The following PLXNA4 variants were observed in gnomAD, a reference collection of about 807,000 sequenced individuals.
PLXNA4 encodes plexin-A4.
PLXNA4 carries 44 observed loss-of-function variants against 191.8 expected under a neutral mutation model. That is an observed-to-expected ratio of 0.23 (90% CI 0.18 to 0.29). PLXNA4 has a LOEUF of 0.29. Ranked by LOEUF, PLXNA4 falls within the 10% of genes least tolerant of loss-of-function variation. PLXNA4 has a pLI of 1.00. For missense variants in PLXNA4, 1,800 were observed against 2,488.8 expected, an observed-to-expected ratio of 0.72 and a Z score of 5.89; for synonymous variants, 1,082 against 1,009.5, an observed-to-expected ratio of 1.07 and a Z score of -1.36.
At chr7:132,281,579 G>A (rs1800479437) in intron 4 of PLXNA4, among the ~76,000 whole-genome samples, 1 of 152,150 alleles carries the variant, frequency 6.6e-6, no homozygotes, top group Admixed American at 6.5e-5. Context: ...ACATAATGAT[G>A]AAAATATTTC....
intron 3 of PLXNA4, among the ~76,000 whole-genome samples, chr7:132,345,826 C>T (rs1169619079): frequency 1.3e-5 from 2 of 152,168 alleles, no homozygotes; most frequent in East Asian, 1.9e-4. Context: ...TCTCTTGGCT[C>T]AAAGGACCGC....
At chr7:132,579,278 G>T (rs966900733), upstream of PLXNA4, among the ~76,000 whole-genome samples, 1 of 152,100 alleles carries the variant, frequency 6.6e-6, no homozygotes, top group African/African-American at 2.4e-5. Context: ...TCAAACTTCT[G>T]TTGGCCACTC....
intron 4 of PLXNA4, among the ~76,000 whole-genome samples, chr7:132,242,954 A>T (rs952464488): frequency 1.3e-5 from 2 of 152,212 alleles, no homozygotes; most frequent in African/African-American, 2.4e-5. Context: ...AAGCATATAA[A>T]TAGTGGCTCC....
At chr7:132,311,183 T>C (rs1474523145) in intron 3 of PLXNA4, among the ~76,000 whole-genome samples, 2 of 135,816 alleles carry the variant, frequency 1.5e-5, no homozygotes, top group Non-Finnish European at 3.2e-5. Context: ...TGTGTGTGTG[T>C]GTGTGTGTGT....
chr7:132,181,938 TC>T (rs1221981706), intron 17 of PLXNA4, among the ~76,000 whole-genome samples, 158 bp downstream of exon 17: 3 of 152,150 alleles, frequency 2.0e-5, no homozygotes, highest in African/African-American at 7.2e-5. Flanking sequence ...CCTTATGTCT[TC>T]CCCCCTATTC....
intron 2 of PLXNA4, among the ~76,000 whole-genome samples, chr7:132,491,854 G>A (rs1033670289): frequency 2.0e-5 from 3 of 152,184 alleles, no homozygotes; most frequent in African/African-American, 4.8e-5. Flanking sequence ...GAAGGAGACA[G>A]GAGGCAGAGG....
rs112419363 is a variant in PLXNA4, at chr7:132,534,213, T to G, written c.-86-25434A>C. On this transcript the variant is annotated intron_variant, in intron 1 of 31. Transcript: ENST00000321063. ...CTTCAACAAGGAGAGGATACAAGAC[T>G]ACTTGGCTGGAACAGGGATACCTGG... 4.9e-4 allele frequency among the ~76,000 whole-genome samples: 75 copies of G among 152,260 alleles called. 1 individual carries two copies. Among genetic ancestry groups the G allele is most frequent in the African/African-American group, 1.7e-3 (72 of 41,562 alleles).
At chr7:132,468,792 T>A (rs1007478888) in intron 3 of PLXNA4, among the ~76,000 whole-genome samples, 1 of 151,948 alleles carries the variant, frequency 6.6e-6, no homozygotes, top group African/African-American at 2.4e-5. Context: ...GACTGTTACA[T>A]ACACACATTT....
intron 1 of PLXNA4, among the ~76,000 whole-genome samples, chr7:132,556,174 C>G (rs1420519903): frequency 6.6e-6 from 1 of 152,232 alleles, no homozygotes; most frequent in African/African-American, 2.4e-5. Context: ...CAGTGCCTCC[C>G]AAACTTTCTC....
intron 4 of PLXNA4, among the ~76,000 whole-genome samples, chr7:132,287,960 G>A (rs992680030): frequency 1.3e-5 from 2 of 152,176 alleles, no homozygotes; most frequent in Admixed American, 6.6e-5. Flanking sequence ...GACTCCTTCT[G>A]CCTTCTATGG....
At chr7:132,246,069 A>G (rs1322619626) in intron 4 of PLXNA4, among the ~76,000 whole-genome samples, 2 of 152,202 alleles carry the variant, frequency 1.3e-5, no homozygotes, top group African/African-American at 2.4e-5. Context: ...GAAATAATTA[A>G]CACTGTGAAT....
intron 9 of PLXNA4, among the ~76,000 whole-genome samples, chr7:132,222,877 T>C (rs1798193216): frequency 6.6e-6 from 1 of 152,168 alleles, no homozygotes; most frequent in African/African-American, 2.4e-5. Context: ...TCAGCGATTC[T>C]TCAACCTGGA....
At position 132,245,307 on chromosome 7, in the gene PLXNA4, C is replaced by T. The variant is rs111963438; in HGVS notation, c.1504-4141G>A. On this transcript the variant is annotated intron_variant, in intron 4 of 31. Transcript: ENST00000321063. ...GAGACCACAAAATATTGAGGTCTGT[C>T]CCCTGGCCACCAGACTCTAGCAAAG... 1.3e-3 allele frequency among the ~76,000 whole-genome samples: 195 copies of T among 152,260 alleles called. 1 individual carries two copies. Among genetic ancestry groups the T allele is most frequent in the African/African-American group, 4.6e-3 (192 of 41,554 alleles).
At chr7:132,328,014 C>G (rs1368858235) in intron 3 of PLXNA4, among the ~76,000 whole-genome samples, 1 of 152,190 alleles carries the variant, frequency 6.6e-6, no homozygotes, top group African/African-American at 2.4e-5. Flanking sequence ...AAGAGAACTT[C>G]CAGTCCCCAT....
At chr7:132,390,462 T>C (rs1178181018) in intron 3 of PLXNA4, among the ~76,000 whole-genome samples, 1 of 152,016 alleles carries the variant, frequency 6.6e-6, no homozygotes, top group Admixed American at 6.6e-5. Context: ...GAAAACCTAA[T>C]GTAGATGACC....
At chr7:132,148,152 A>T (rs1466281011) in intron 26 of PLXNA4, among the ~76,000 whole-genome samples, 153 bp from the exon 27 acceptor site, 2 of 152,178 alleles carry the variant, frequency 1.3e-5, no homozygotes, top group African/African-American at 4.8e-5. Flanking sequence ...CTTGGAGCAG[A>T]ACAAGACACA....
At chr7:132,386,767 G>A (rs1379301348) in intron 3 of PLXNA4, among the ~76,000 whole-genome samples, 1 of 152,238 alleles carries the variant, frequency 6.6e-6, no homozygotes. Flanking sequence ...GAGAGCCTCA[G>A]CAGGGATCAT....
At chr7:132,198,696 T>A in intron 12 of PLXNA4, 60 bp from the exon 13 acceptor site, 1 of 1,593,520 alleles carries the variant, frequency 6.3e-7, no homozygotes, top group Non-Finnish European at 8.5e-7. Context: ...CACTTGCTGA[T>A]GAGGCAAGGA....
At position 132,180,447 on chromosome 7, in the gene PLXNA4, A is replaced by G. The variant is rs1369309992; in HGVS notation, c.3639+139T>C. On this transcript the variant is annotated intron_variant, in intron 19 of 31. Transcript: ENST00000321063. ...GAGAAGCTCAAAAGTGAACATGAAG[A>G]AAGAACTTGGGGTGTGGGGTAGCTA... 4.5e-6 allele frequency: 6 copies of G among 1,338,032 alleles called. No individual in the cohort carries two copies. The Admixed American group carries it at 1.5e-4, about 33-fold the overall frequency. The allele number at this position is 1,338,032 out of a possible 1,614,324, so 82.9% of individuals were successfully genotyped here.
Sources: allele counts gnomAD v4.1 joint callset (sites outside exome capture counted in the v4.1 genomes callset), GRCh38; gene constraint gnomAD v4.1.1; transcripts MANE v1.5; gene names NCBI Gene and HGNC (gene_info 2026-07-23, HGNC 2026-07-21).